The following ARHGAP24 variants were observed in gnomAD, a reference collection of about 807,000 sequenced individuals.
ARHGAP24 encodes Rho GTPase activating protein 24, also known as rho GTPase-activating protein 24.
A neutral mutation model predicts 76.4 loss-of-function variants in ARHGAP24; 50 were observed. The ratio of observed to expected loss-of-function variants is 0.65; its 90% CI spans 0.52 to 0.83. ARHGAP24 has a LOEUF of 0.83. ARHGAP24 is among the 40% of genes least tolerant of loss of function. The pLI is 0.00. For missense variants in ARHGAP24, 930 were observed against 914.2 expected (o/e 1.02, Z -0.22); for synonymous variants, 345 against 323.3 (o/e 1.07, Z -0.72).
chr4:85,657,516 A>G (rs998810754), intron 2 of ARHGAP24, among the ~76,000 whole-genome samples: 1 of 152,180 alleles, frequency 6.6e-6, no homozygotes, highest in African/African-American at 2.4e-5. Flanking sequence ...CTAGCCAGCA[A>G]TGACACTTGA....
chr4:85,910,755 T>C (rs1735030376), intron 3 of ARHGAP24, among the ~76,000 whole-genome samples: 1 of 152,038 alleles, frequency 6.6e-6, no homozygotes, highest in Non-Finnish European at 1.5e-5. Flanking sequence ...CTCAGAGGGT[T>C]GGAAGTGCAC....
intron 2 of ARHGAP24, among the ~76,000 whole-genome samples, chr4:85,685,664 C>G (rs1050060758): frequency 2.1e-5 from 3 of 143,914 alleles, no homozygotes; most frequent in African/African-American, 8.9e-5. Context: ...AAAAAGAAGT[C>G]TCCACAAAGT....
chr4:85,890,489 A>G (rs1411240993), intron 3 of ARHGAP24, among the ~76,000 whole-genome samples: 2 of 152,232 alleles, frequency 1.3e-5, no homozygotes, highest in South Asian at 2.1e-4. Context: ...GTGAACAAAC[A>G]TAACCACAGA....
intron 2 of ARHGAP24, among the ~76,000 whole-genome samples, chr4:85,668,748 G>C (rs905476289): frequency 6.6e-6 from 1 of 152,178 alleles, no homozygotes; most frequent in Non-Finnish European, 1.5e-5. Flanking sequence ...TCCAATCCAC[G>C]TTAAAGAGTT....
intron 1 of ARHGAP24, among the ~76,000 whole-genome samples, chr4:85,550,357 G>T (rs1726082888): frequency 6.6e-6 from 1 of 152,170 alleles, no homozygotes; most frequent in South Asian, 2.1e-4. Flanking sequence ...GATGGTTGTA[G>T]GTGTCTGGCG....
chr4:85,481,135 T>C (rs1434560712), intron 1 of ARHGAP24, among the ~76,000 whole-genome samples: 2 of 152,226 alleles, frequency 1.3e-5, no homozygotes, highest in Non-Finnish European at 2.9e-5. Context: ...TATTTTTACA[T>C]ACATTACTTC....
At chr4:85,570,309 CTCTCTT>C (rs909075270) in intron 1 of ARHGAP24, among the ~76,000 whole-genome samples, 5 of 152,080 alleles carry the variant, frequency 3.3e-5, no homozygotes, top group Admixed American at 1.3e-4. Flanking sequence ...CTTGCTCTCT[CTCTCTT>C]TCTCTTTCTC....
At chr4:85,598,070 G>A (rs1719900227) in intron 2 of ARHGAP24, among the ~76,000 whole-genome samples, 1 of 151,998 alleles carries the variant, frequency 6.6e-6, no homozygotes, top group African/African-American at 2.4e-5. Flanking sequence ...TTAAATTTTA[G>A]TATATCATAA....
At chr4:85,826,465 T>C (rs1211827213) in intron 3 of ARHGAP24, among the ~76,000 whole-genome samples, 1 of 152,132 alleles carries the variant, frequency 6.6e-6, no homozygotes, top group Non-Finnish European at 1.5e-5. Flanking sequence ...GTGGCTGCCC[T>C]CAAGATCTGC....
At chr4:85,547,502 C>G (rs1451725551) in intron 1 of ARHGAP24, among the ~76,000 whole-genome samples, 1 of 152,006 alleles carries the variant, frequency 6.6e-6, no homozygotes, top group African/African-American at 2.4e-5. Flanking sequence ...GTGGTGCGAT[C>G]ACAGGTCACT....
intron 2 of ARHGAP24, among the ~76,000 whole-genome samples, chr4:85,721,398 AAAAC>A (rs1000728570): frequency 7.0e-6 from 1 of 142,534 alleles, no homozygotes; most frequent in African/African-American, 2.8e-5. Flanking sequence ...TCCATCTCAA[AAAAC>A]AAACAAAAAA....
At chr4:85,518,793 A>G (rs907861930) in intron 1 of ARHGAP24, among the ~76,000 whole-genome samples, 1 of 152,114 alleles carries the variant, frequency 6.6e-6, no homozygotes, top group East Asian at 1.9e-4. Context: ...TGGTTCCACA[A>G]TTTTGCTATT....
chr4:85,910,395 C>T (rs113377851), intron 3 of ARHGAP24, among the ~76,000 whole-genome samples: 1 of 152,162 alleles, frequency 6.6e-6, no homozygotes, highest in African/African-American at 2.4e-5. Flanking sequence ...GTCCTGCGAC[C>T]AAGAACTCAG....
intron 2 of ARHGAP24, among the ~76,000 whole-genome samples, chr4:85,598,009 C>T: frequency 6.6e-6 from 1 of 152,006 alleles, no homozygotes; most frequent in East Asian, 1.9e-4. Flanking sequence ...ACCTTTCATC[C>T]TTCACTTTAA....
At chr4:85,775,594 T>C (rs1419111554) in intron 3 of ARHGAP24, among the ~76,000 whole-genome samples, 1 of 152,092 alleles carries the variant, frequency 6.6e-6, no homozygotes, top group Non-Finnish European at 1.5e-5. Flanking sequence ...GATTCAGTTA[T>C]CTCCCACTGG....
At chr4:85,998,176 A>T (rs1578486536) in intron 9 of ARHGAP24, among the ~76,000 whole-genome samples, 4 of 152,204 alleles carry the variant, frequency 2.6e-5, no homozygotes, top group Admixed American at 2.6e-4. Context: ...ATACTTTAAA[A>T]TTTCCTATCA....
intron 4 of ARHGAP24, among the ~76,000 whole-genome samples, chr4:85,928,654 G>A (rs1434481950): frequency 5.3e-5 from 8 of 151,964 alleles, no homozygotes; most frequent in Non-Finnish European, 1.0e-4. Context: ...TAGAGATGGG[G>A]TTTCACCATG....
At chr4:85,566,660 A>C (rs1267937567) in intron 1 of ARHGAP24, among the ~76,000 whole-genome samples, 2 of 152,226 alleles carry the variant, frequency 1.3e-5, no homozygotes, top group Non-Finnish European at 2.9e-5. Context: ...TATTAAAGGC[A>C]CTGGGTATCA....
chr4:85,682,106 G>A (rs542277550), intron 2 of ARHGAP24, among the ~76,000 whole-genome samples: 4 of 152,230 alleles, frequency 2.6e-5, no homozygotes, highest in East Asian at 1.9e-4. Context: ...TATATTCTCC[G>A]CTAAAGGAGG....
Sources: allele counts gnomAD v4.1 joint callset (sites outside exome capture counted in the v4.1 genomes callset), GRCh38; gene constraint gnomAD v4.1.1; transcripts MANE v1.5; gene names NCBI Gene and HGNC (gene_info 2026-07-23, HGNC 2026-07-21).